Variants in SLC9A9 observed in about 807,000 individuals in gnomAD.
SLC9A9 encodes sodium/hydrogen exchanger 9.
In SLC9A9, 62 loss-of-function variants were observed where a neutral mutation model predicts 77.8. The observed-to-expected ratio is 0.80, with a 90% CI of 0.65 to 0.98. The LOEUF (loss-of-function observed/expected upper bound fraction) is 0.98, where lower values mean the gene tolerates loss of function less well. SLC9A9 is among the 50% of genes least tolerant of loss of function. The pLI is 0.00. For missense variants in SLC9A9, 775 were observed against 774.9 expected, an observed-to-expected ratio of 1.00 and a Z score of 0.00; for synonymous variants, 320 against 283.5, an observed-to-expected ratio of 1.13 and a Z score of -1.29.
intron 2 of SLC9A9, among the ~76,000 whole-genome samples, chr3:143,814,749 A>C (rs929751186): frequency 6.6e-6 from 1 of 152,188 alleles, no homozygotes; most frequent in Non-Finnish European, 1.5e-5. Context: ...GCTGGGGAGG[A>C]GCCGACTCTA....
rs553189741 is a variant in SLC9A9 at position 143,431,536 on chromosome 3, A to G, written c.1469+35501T>C. Among the ~76,000 whole-genome samples, 27 of 146,570 alleles carry G rather than the reference A, an allele frequency of 1.8e-4. No homozygotes were observed. The South Asian group carries it at 3.2e-3, about 18-fold the overall frequency. ...CTCGCTCTGTCACCCAGGCTGGAGTACAGTGGTGCAATCTTGGCTCCCTGC... is the reference window on the plus strand; with the variant it reads ...CTCGCTCTGTCACCCAGGCTGGAGTGCAGTGGTGCAATCTTGGCTCCCTGC... On this transcript the variant is annotated intron_variant, in intron 12 of 15. Transcript: ENST00000316549.
Position 143,435,486 on chromosome 3 carries a change from C to T in SLC9A9, c.1469+31551G>A, listed in dbSNP as rs984537397. Among the ~76,000 whole-genome samples the T allele has an allele frequency of 3.9e-5, 6 of 152,298 alleles. No homozygotes were observed. In the South Asian group the frequency reaches 1.2e-3, roughly 32 times the overall value. On this transcript the variant is annotated intron_variant, in intron 12 of 15. Transcript: ENST00000316549. ...AAATGTGGCTTATATATTTTCACTTCCAGTTATAGTTCTATGGCAAACTTT... is the reference window on the plus strand; with the variant it reads ...AAATGTGGCTTATATATTTTCACTTTCAGTTATAGTTCTATGGCAAACTTT...
intron 12 of SLC9A9, among the ~76,000 whole-genome samples, chr3:143,418,087 C>G (rs2034230385): frequency 6.6e-6 from 1 of 150,840 alleles, no homozygotes; most frequent in Non-Finnish European, 1.5e-5. Flanking sequence ...GCATACAAAT[C>G]TCTGGACCAG....
intron 4 of SLC9A9, among the ~76,000 whole-genome samples, chr3:143,768,528 C>T (rs918355378): frequency 1.3e-5 from 2 of 152,116 alleles, no homozygotes; most frequent in African/African-American, 4.8e-5. Context: ...GGGGATATAT[C>T]TCATATAACA....
At chr3:143,434,639 G>A (rs1412614238) in intron 12 of SLC9A9, among the ~76,000 whole-genome samples, 7 of 151,934 alleles carry the variant, frequency 4.6e-5, no homozygotes, top group East Asian at 3.9e-4. Flanking sequence ...AACACCTCCG[G>A]CCCATCCCCC....
chr3:143,787,276 A>G (rs1199375021), intron 4 of SLC9A9, among the ~76,000 whole-genome samples: 2 of 152,206 alleles, frequency 1.3e-5, no homozygotes, highest in Non-Finnish European at 2.9e-5. Context: ...TATAGACGAT[A>G]TACACAATTA....
chr3:143,738,064 A>C (rs1453846956), intron 4 of SLC9A9, among the ~76,000 whole-genome samples: 1 of 152,206 alleles, frequency 6.6e-6, no homozygotes, highest in Admixed American at 6.5e-5. Context: ...GAAGACCAAA[A>C]ACTACATTTC....
intron 14 of SLC9A9, among the ~76,000 whole-genome samples, chr3:143,300,690 A>T (rs2030482082): frequency 6.6e-6 from 1 of 152,168 alleles, no homozygotes. Context: ...GAATCTTTGG[A>T]GGGAACTTTT....
intron 8 of SLC9A9, among the ~76,000 whole-genome samples, chr3:143,569,507 T>C (rs976218639): frequency 2.0e-5 from 3 of 152,182 alleles, no homozygotes; most frequent in East Asian, 1.9e-4. Context: ...TGGTTTCTGA[T>C]GCAAAAACAA....
chr3:143,576,233 C>G (rs182855058), intron 7 of SLC9A9, among the ~76,000 whole-genome samples: 1 of 152,310 alleles, frequency 6.6e-6, no homozygotes, highest in Non-Finnish European at 1.5e-5. Flanking sequence ...TCTCAGTTTC[C>G]TTAGCTGTAA....
intron 5 of SLC9A9, among the ~76,000 whole-genome samples, chr3:143,663,532 A>G (rs538945959): frequency 1.3e-5 from 2 of 152,356 alleles, no homozygotes; most frequent in African/African-American, 4.8e-5. Context: ...CTAAAGGTGG[A>G]CGTTTGAACC....
rs571674593 is a variant in SLC9A9 at position 143,572,058 on chromosome 3, T to C, written c.1000+2030A>G. On this transcript the variant is annotated intron_variant, in intron 8 of 15. Transcript: ENST00000316549. Reference sequence around the variant, plus strand: ...ATGGACACTTGGATCTTTCTGTTACTGGGGTTCACACCCATATTCACCCAT... The same window carrying C: ...ATGGACACTTGGATCTTTCTGTTACCGGGGTTCACACCCATATTCACCCAT... Among the ~76,000 whole-genome samples the C allele has an allele frequency of 2.6e-5, 4 of 152,280 alleles. No individual in the cohort carries two copies. In the South Asian group the frequency reaches 8.3e-4, roughly 32 times the overall value.
chr3:143,709,291 C>A (rs1194370124), intron 4 of SLC9A9, among the ~76,000 whole-genome samples: 1 of 152,118 alleles, frequency 6.6e-6, no homozygotes, highest in Non-Finnish European at 1.5e-5. Context: ...ACCCAGGCAT[C>A]AGTATTTTAA....
intron 14 of SLC9A9, among the ~76,000 whole-genome samples, chr3:143,361,742 AT>A (rs1349230442): frequency 6.6e-6 from 1 of 152,202 alleles, no homozygotes; most frequent in Admixed American, 6.5e-5. Flanking sequence ...TCATATGGAA[AT>A]AAACCCCTGA....
At chr3:143,525,829 G>T (rs534195702) in intron 9 of SLC9A9, among the ~76,000 whole-genome samples, 2 of 151,984 alleles carry the variant, frequency 1.3e-5, no homozygotes, top group East Asian at 1.9e-4. Context: ...AATGACAAAA[G>T]AAAAAAGAGA....
chr3:143,341,944 A>T (rs191615250), intron 14 of SLC9A9, among the ~76,000 whole-genome samples: 1 of 151,532 alleles, frequency 6.6e-6, no homozygotes, highest in East Asian at 1.9e-4. Flanking sequence ...CAAAGGACCC[A>T]TGCAGATGAA....
intron 14 of SLC9A9, among the ~76,000 whole-genome samples, chr3:143,307,202 T>C (rs2030823747): frequency 6.6e-6 from 1 of 152,352 alleles, no homozygotes; most frequent in East Asian, 1.9e-4. Context: ...ATATTAGCTA[T>C]GGGGGCAATG....
intron 4 of SLC9A9, among the ~76,000 whole-genome samples, chr3:143,751,387 C>T (rs895450178): frequency 1.3e-5 from 2 of 152,200 alleles, no homozygotes; most frequent in Non-Finnish European, 2.9e-5. Flanking sequence ...GGGCCCTTAG[C>T]TCTGAGCTCC....
At chr3:143,365,297 C>T (rs958214932) in intron 13 of SLC9A9, among the ~76,000 whole-genome samples, 2 of 151,832 alleles carry the variant, frequency 1.3e-5, no homozygotes, top group Non-Finnish European at 2.9e-5. Flanking sequence ...GAGGGAGAGG[C>T]CAGAAAAAAT....
Sources: gnomAD v4.1 joint callset for allele counts (sites outside exome capture counted in the v4.1 genomes callset) on GRCh38, gnomAD v4.1.1 for gene constraint, MANE v1.5 for transcripts, NCBI Gene and HGNC (gene_info 2026-07-23, HGNC 2026-07-21) for gene names.